Variants in RNF10 observed in about 807,000 individuals in gnomAD.
The protein encoded by RNF10 is E3 ubiquitin-protein ligase RNF10.
RNF10 carries 38 observed loss-of-function variants against 91.4 expected under a neutral mutation model. That is an observed-to-expected ratio of 0.42 (90% CI 0.32 to 0.54). The LOEUF (loss-of-function observed/expected upper bound fraction) is 0.54. RNF10 is among the 20% of genes least tolerant of loss of function. The pLI, the probability that RNF10 is intolerant of heterozygous loss-of-function variation, is 0.16. For missense variants in RNF10, 945 were observed against 1,012.0 expected (o/e 0.93, Z 0.90); for synonymous variants, 364 against 366.3 (o/e 0.99, Z 0.07).
chr12:120,551,237 T>C (rs1413916595), intron 2 of RNF10, among the ~76,000 whole-genome samples: 2 of 149,994 alleles, frequency 1.3e-5, no homozygotes, highest in East Asian at 4.0e-4. Flanking sequence ...CCTCCCTCCT[T>C]GGCCTCCTAA....
At chr12:120,545,790 C>T (rs1437716996) in intron 1 of RNF10, among the ~76,000 whole-genome samples, 5 of 152,316 alleles carry the variant, frequency 3.3e-5, no homozygotes, top group Admixed American at 6.5e-5. Context: ...CCACCTGCCT[C>T]GGCCTTCCAA....
In RNF10 at chr12:120,575,749, GAA is replaced by G. The variant is rs751945365; in HGVS notation, c.2201-39_2201-38del. On this transcript the variant is annotated intron_variant, in intron 15 of 16. Coordinates refer to ENST00000325954, the MANE Select transcript of RNF10 (RefSeq NM_014868.5). The stretch of plus-strand genomic sequence containing the variant: ...TTCTTTCCATAAAAGGCTGTTTCTA[GAA>G]AAAGAGTTGTTTCTATAGTTTTAAC... 1.5e-5 allele frequency: 24 copies of G among 1,613,948 alleles called. No individual in the cohort carries two copies. The East Asian group carries it at 5.1e-4, about 34-fold the overall frequency.
At chr12:120,563,096 G>A (rs1291260676) in intron 8 of RNF10, 26 bp downstream of exon 8, 19 of 1,613,650 alleles carry the variant, frequency 1.2e-5, no homozygotes, top group Non-Finnish European at 1.5e-5. Flanking sequence ...TTACTAAGTG[G>A]CTGCCGTTCC....
chr12:120,539,330 A>C (rs1439350015), intron 1 of RNF10: 1 of 1,050,440 alleles, frequency 9.5e-7, no homozygotes, highest in South Asian at 1.3e-5. Context: ...TGGCATGTGC[A>C]TCATTCCTGA....
intron 1 of RNF10, among the ~76,000 whole-genome samples, chr12:120,538,423 G>C (rs1433069639): frequency 6.6e-6 from 1 of 152,152 alleles, no homozygotes; most frequent in African/African-American, 2.4e-5. Flanking sequence ...TTGGCTACCA[G>C]GATTTTCTTG....
intron 6 of RNF10, among the ~76,000 whole-genome samples, chr12:120,559,044 AT>A (rs1369809803): frequency 2.3e-5 from 3 of 132,176 alleles, no homozygotes; most frequent in African/African-American, 5.5e-5. Flanking sequence ...AATTAATTAA[AT>A]TAACTTTTAA....
intron 2 of RNF10, among the ~76,000 whole-genome samples, chr12:120,548,829 C>T (rs1056137635): frequency 1.1e-4 from 17 of 151,832 alleles, no homozygotes; most frequent in African/African-American, 3.4e-4. Context: ...CCACCACGCC[C>T]GGCTAATTTT....
chr12:120,556,041 G>A (rs936866208), intron 4 of RNF10, among the ~76,000 whole-genome samples: 6 of 151,638 alleles, frequency 4.0e-5, no homozygotes, highest in South Asian at 2.1e-4. Flanking sequence ...AACCTGTCTC[G>A]GCCTCCCAAA....
intron 6 of RNF10, 111 bp from the exon 7 acceptor site, chr12:120,560,615 A>C: frequency 1.0e-6 from 1 of 994,560 alleles, no homozygotes; most frequent in Non-Finnish European, 1.5e-6. Context: ...ATCATGCTAA[A>C]TTACCCCATT....
intron 14 of RNF10, chr12:120,574,821 G>A (rs1309418176): frequency 4.2e-6 from 1 of 238,864 alleles, no homozygotes; most frequent in African/African-American, 2.3e-5. Context: ...AGCTACTCAG[G>A]AGGATGAGGC....
chr12:120,554,126 T>TG (rs941884359), intron 3 of RNF10: 5 of 152,696 alleles, frequency 3.3e-5, no homozygotes, highest in African/African-American at 1.2e-4. Flanking sequence ...AGGATGGTCT[T>TG]GATCTCCTGA....
chr12:120,543,752 A>G (rs1593054500), intron 1 of RNF10, among the ~76,000 whole-genome samples: 2 of 152,272 alleles, frequency 1.3e-5, no homozygotes, highest in South Asian at 4.1e-4. Context: ...GTAAGCCGAG[A>G]TCATGCCACT....
At chr12:120,545,722 A>G (rs1352095788) in intron 1 of RNF10, among the ~76,000 whole-genome samples, 1 of 152,062 alleles carries the variant, frequency 6.6e-6, no homozygotes, top group Non-Finnish European at 1.5e-5. Flanking sequence ...TATTTTTAAT[A>G]GACATGGGGT....
chr12:120,563,598 C>T lies in RNF10; in HGVS notation c.1506C>T (p.Ser502=), dbSNP rs769308748. Residue 502 remains serine (S), a synonymous_variant, in exon 9 of 17, where the codon AGC becomes AGT. Coordinates refer to ENST00000325954, the MANE Select transcript of RNF10 (RefSeq NM_014868.5). ...ITKSGFTRLS[S]SPCYYFYQAE... The stretch of plus-strand genomic sequence containing the variant: ...AGTCAGGCTTCACACGCCTCAGCAG[C>T]TCTCCTTGTTACTACTTTTACCAAG... 1.2e-5 allele frequency: 19 copies of T among 1,606,672 alleles called. No homozygotes were observed. The highest frequency in any genetic ancestry group is 6.7e-5 in the Admixed American group (4 of 59,296).
intron 14 of RNF10, among the ~76,000 whole-genome samples, chr12:120,573,841 C>T (rs1242073301): frequency 6.6e-6 from 1 of 152,188 alleles, no homozygotes; most frequent in Non-Finnish European, 1.5e-5. Context: ...CTGGACACAC[C>T]AGCTACTTCA....
intron 1 of RNF10, among the ~76,000 whole-genome samples, chr12:120,538,640 G>GA (rs1288670590): frequency 6.6e-6 from 1 of 152,178 alleles, no homozygotes; most frequent in Non-Finnish European, 1.5e-5. Context: ...AAGTCATTTA[G>GA]AGGGAGCAAA....
intron 6 of RNF10, among the ~76,000 whole-genome samples, chr12:120,558,141 G>C (rs1406080414): frequency 6.6e-6 from 1 of 152,148 alleles, no homozygotes; most frequent in Non-Finnish European, 1.5e-5. Context: ...GGAAAAGATA[G>C]ATTTCTCAAT....
chr12:120,571,276 C>T lies in RNF10; in HGVS notation c.2127C>T (p.Phe709=). Residue 709 remains phenylalanine, a synonymous_variant, in exon 14 of 17, where the codon TTC becomes TTT. Coordinates refer to ENST00000325954, the MANE Select transcript of RNF10 (RefSeq NM_014868.5). ...CVGSLEEDSP[F]PSFAQMLRVG... is the part of the protein sequence containing the mutation. ...GGAGTCTGGAAGAAGACTCTCCCTT[C>T]CCTTCCTTTGCCCAGGTAAATCCTT... 6.2e-7 allele frequency: 1 copy of T among 1,613,204 alleles called. No individual in the cohort carries two copies. The highest frequency in any genetic ancestry group is 8.5e-7 in the Non-Finnish European group (1 of 1,179,158).
rs369863715 is a variant in RNF10 at position 120,574,487 on chromosome 12, T to C, written c.2143-1144T>C. 3.3e-5 allele frequency: 15 copies of C among 455,946 alleles called. No homozygotes were observed. In the East Asian group the frequency reaches 3.5e-4, roughly 11 times the overall value. 28.2% of individuals were successfully genotyped at this position (455,946 alleles called of 1,614,324 possible). ...TTGCAGGAATTTTACTGGCCTGTGGTTGGATCTGAAAGTTAATGATGAAGG... is the reference window on the plus strand; with the variant it reads ...TTGCAGGAATTTTACTGGCCTGTGGCTGGATCTGAAAGTTAATGATGAAGG... On this transcript the variant is annotated intron_variant, in intron 14 of 16. Transcript: ENST00000325954.
Sources: allele counts gnomAD v4.1 joint callset (sites outside exome capture counted in the v4.1 genomes callset), GRCh38; gene constraint gnomAD v4.1.1; transcripts MANE v1.5; gene names NCBI Gene and HGNC (gene_info 2026-07-23, HGNC 2026-07-21).